The following HIBADH variants were observed in gnomAD, a reference collection of about 807,000 sequenced individuals.
The protein encoded by HIBADH is 3-hydroxyisobutyrate dehydrogenase, mitochondrial.
In HIBADH, 25 loss-of-function variants were observed where a neutral mutation model predicts 36.1. The observed-to-expected ratio is 0.69, with a 90% CI of 0.50 to 0.97. The LOEUF is 0.97. Ranked by LOEUF, HIBADH falls within the 50% of genes least tolerant of loss-of-function variation. The probability of loss-of-function intolerance (pLI) is 0.00; values close to 1 mark genes in which losing one functional copy is unlikely to be tolerated. For synonymous variants in HIBADH, 160 were observed against 149.5 expected, an observed-to-expected ratio of 1.07 and a Z score of -0.51; for missense variants, 421 against 418.0, an observed-to-expected ratio of 1.01 and a Z score of -0.06.
At chr7:27,657,899 T>C (rs962052068) in intron 1 of HIBADH, among the ~76,000 whole-genome samples, 5 of 152,152 alleles carry the variant, frequency 3.3e-5, no homozygotes, top group African/African-American at 4.8e-5. Context: ...TTACTTGAGA[T>C]GATGCATATA....
intron 4 of HIBADH, 130 bp downstream of exon 4, chr7:27,629,241 C>T (rs6415252): frequency 0.76 from 658,993 of 864,024 alleles, 253,233 homozygotes; most frequent in East Asian, 0.97. Flanking sequence ...ATCAGTTTGG[C>T]TTTATTTTTA....
chr7:27,632,557 A>C, intron 2 of HIBADH, 112 bp from the exon 3 acceptor site: 1 of 565,728 alleles, frequency 1.8e-6, no homozygotes, highest in Non-Finnish European at 3.1e-6. Flanking sequence ...GTGCATAAAG[A>C]CTAATCCTTG....
chr7:27,605,475 T>A (rs1481329024), intron 4 of HIBADH, among the ~76,000 whole-genome samples: 5 of 90,920 alleles, frequency 5.5e-5, no homozygotes, highest in East Asian at 3.8e-4. Flanking sequence ...TTTTTTTTTT[T>A]ACAAGACCCA....
intron 4 of HIBADH, among the ~76,000 whole-genome samples, chr7:27,573,437 A>T (rs1784657438): frequency 6.6e-6 from 1 of 152,200 alleles, no homozygotes; most frequent in South Asian, 2.1e-4. Flanking sequence ...TTCCATGCCC[A>T]TCTCACTGAT....
intron 1 of HIBADH, 104 bp downstream of exon 1, chr7:27,662,594 A>G (rs1314850282): frequency 6.0e-6 from 4 of 669,018 alleles, no homozygotes; most frequent in African/African-American, 1.9e-5. Context: ...TTTAAGCCCC[A>G]GCCCAACCGC....
At chr7:27,552,567 C>T (rs1784333054) in intron 4 of HIBADH, among the ~76,000 whole-genome samples, 1 of 152,228 alleles carries the variant, frequency 6.6e-6, no homozygotes. Flanking sequence ...CAAAGCACCA[C>T]TGTATCCTCA....
intron 5 of HIBADH, among the ~76,000 whole-genome samples, chr7:27,542,220 AAAATTTTCAATAT>A (rs145112432): frequency 0.045 from 6,829 of 152,106 alleles, 493 homozygotes; most frequent in African/African-American, 0.16. Flanking sequence ...AATCTTCAAA[AAAATTTTCAATAT>A]ATCTATGGAA....
chr7:27,569,021 AT>A (rs1365333054), intron 4 of HIBADH, among the ~76,000 whole-genome samples: 22 of 150,776 alleles, frequency 1.5e-4, no homozygotes, highest in Admixed American at 8.6e-4. Flanking sequence ...GGCTCTGTCC[AT>A]TTTCTTACAG....
chr7:27,570,814 G>C (rs557778789), intron 4 of HIBADH, among the ~76,000 whole-genome samples: 2 of 151,902 alleles, frequency 1.3e-5, no homozygotes, highest in Non-Finnish European at 2.9e-5. Flanking sequence ...TTGGTACTGC[G>C]TAGTTTTACT....
chr7:27,625,498 G>A (rs768094000), intron 4 of HIBADH, among the ~76,000 whole-genome samples: 1 of 151,890 alleles, frequency 6.6e-6, no homozygotes, highest in Admixed American at 6.6e-5. Flanking sequence ...GCATGGGAAT[G>A]AGACATAAAA....
At chr7:27,577,487 A>T (rs747241085) in intron 4 of HIBADH, among the ~76,000 whole-genome samples, 1 of 152,192 alleles carries the variant, frequency 6.6e-6, no homozygotes, top group East Asian at 1.9e-4. Context: ...TCTTAAAATG[A>T]ATACAAATCT....
chr7:27,641,462 C>A (rs1785960566), intron 2 of HIBADH, among the ~76,000 whole-genome samples: 2 of 152,256 alleles, frequency 1.3e-5, no homozygotes, highest in Admixed American at 6.5e-5. Flanking sequence ...AATTTTTTAA[C>A]CTTTAAACCC....
At chr7:27,576,183 C>A (rs1784706916) in intron 4 of HIBADH, among the ~76,000 whole-genome samples, 1 of 152,140 alleles carries the variant, frequency 6.6e-6, no homozygotes, top group African/African-American at 2.4e-5. Context: ...AGGAACTGAT[C>A]ATAACCATTA....
intron 4 of HIBADH, among the ~76,000 whole-genome samples, chr7:27,572,828 T>C (rs192517377): frequency 6.6e-6 from 1 of 152,076 alleles, no homozygotes; most frequent in Admixed American, 6.6e-5. Flanking sequence ...AAGAATTTGA[T>C]TTGGTGAGCC....
chr7:27,541,055 T>C (rs1301810718), intron 5 of HIBADH, among the ~76,000 whole-genome samples: 1 of 151,986 alleles, frequency 6.6e-6, no homozygotes, highest in Non-Finnish European at 1.5e-5. Flanking sequence ...TACAAAACAG[T>C]AGAGTTAGCC....
In HIBADH at chr7:27,602,139, A is replaced by G. The variant is rs200085505; in HGVS notation, c.484+27232T>C. Among the ~76,000 whole-genome samples the G allele has an allele frequency of 1.1e-4, 17 of 151,418 alleles. No homozygotes were observed. In the East Asian group the frequency reaches 3.1e-3, roughly 28 times the overall value. ...AATTCTTAAAATTGCATATTGTCCT[A>G]TTGTGCCTTCCTGAGACTCAACTTC... is the stretch of plus-strand genomic sequence containing the variant. On this transcript the variant is annotated intron_variant, in intron 4 of 7. Transcript: ENST00000265395.
At chr7:27,633,012 A>C (rs886491899) in intron 2 of HIBADH, among the ~76,000 whole-genome samples, 1 of 152,188 alleles carries the variant, frequency 6.6e-6, no homozygotes, top group African/African-American at 2.4e-5. Context: ...CAAGGACATA[A>C]ACACTTACTA....
chr7:27,540,788 T>C lies in HIBADH; in HGVS notation c.618+2179A>G, dbSNP rs902758567. Among the ~76,000 whole-genome samples, 33 of 152,194 alleles carry C rather than the reference T, an allele frequency of 2.2e-4. 1 individual carries two copies. The highest frequency in any genetic ancestry group is 8.8e-5 in the Non-Finnish European group (6 of 68,032). On this transcript the variant is annotated intron_variant, in intron 5 of 7. Coordinates refer to ENST00000265395, the MANE Select transcript of HIBADH (RefSeq NM_152740.4). ...TTGGACACCTTCAGTGTTGAACTCA[T>C]GTTATTCTGGGTGGCCAGGGGTACT...
In HIBADH at chr7:27,589,576, C is replaced by G. The variant is rs376134903; in HGVS notation, c.484+39795G>C. Among the ~76,000 whole-genome samples the G allele has an allele frequency of 7.5e-4, 114 of 152,190 alleles. No individual in the cohort carries two copies. The Middle Eastern group carries it at 0.021, about 27-fold the overall frequency. ...CCTATTTTACAGATGTAGAAAGGCA[C>G]AGAGATATTAAATAACTAGGATATA... On this transcript the variant is annotated intron_variant, in intron 4 of 7. Transcript: ENST00000265395.
Sources: gnomAD v4.1 joint callset for allele counts (sites outside exome capture counted in the v4.1 genomes callset) on GRCh38, gnomAD v4.1.1 for gene constraint, MANE v1.5 for transcripts, NCBI Gene and HGNC (gene_info 2026-07-23, HGNC 2026-07-21) for gene names.